The following DYRK1A variants were observed in gnomAD, a reference collection of about 807,000 sequenced individuals.
DYRK1A encodes dual specificity tyrosine-phosphorylation-regulated kinase 1A.
In DYRK1A, 9 loss-of-function variants were observed where a neutral mutation model predicts 79.7. That is an observed-to-expected ratio of 0.11 (90% confidence interval 0.07 to 0.20). The LOEUF (loss-of-function observed/expected upper bound fraction) is 0.20, where lower values mean the gene tolerates loss of function less well. Ranked by LOEUF, DYRK1A falls within the 10% of genes least tolerant of loss-of-function variation. The pLI is 1.00. For missense variants in DYRK1A, 622 were observed against 956.0 expected, an observed-to-expected ratio of 0.65 and a Z score of 4.61; for synonymous variants, 349 against 329.7, an observed-to-expected ratio of 1.06 and a Z score of -0.63.
chr21:37,478,143 CTTATAG>C (rs778344997), intron 3 of DYRK1A, 59 bp from the exon 4 acceptor site: 18 of 1,603,088 alleles, frequency 1.1e-5, no homozygotes, highest in South Asian at 1.1e-5. Context: ...GAATTTATAT[CTTATAG>C]TTAAAGTGCT....
intron 9 of DYRK1A, chr21:37,502,600 A>T (rs892904328): frequency 6.6e-6 from 1 of 152,182 alleles, no homozygotes; most frequent in African/African-American, 2.4e-5. Flanking sequence ...TGGCTGTTTA[A>T]ATAAAAAATA....
At chr21:37,460,328 G>A (rs1486440742) in intron 2 of DYRK1A, among the ~76,000 whole-genome samples, 2 of 152,162 alleles carry the variant, frequency 1.3e-5, no homozygotes, top group Non-Finnish European at 2.9e-5. Context: ...TCAGGCAGCA[G>A]ATACTTAGAG....
rs28441137 is a variant in DYRK1A, at chr21:37,406,737, C to T, written c.-76-13562C>T. ...AAAAAAAAATTATATCTATGTATATCTCTATATATCTCTATATATCTATAT... is the reference window on the plus strand; with the variant it reads ...AAAAAAAAATTATATCTATGTATATTTCTATATATCTCTATATATCTATAT... On this transcript the variant is annotated intron_variant, in intron 1 of 11. Transcript: ENST00000647188. 2.3e-4 allele frequency among the ~76,000 whole-genome samples: 14 copies of T among 62,078 alleles called. No homozygotes were observed. The South Asian group carries it at 5.8e-3, about 26-fold the overall frequency. The allele number at this position is 62,078 out of a possible 152,430, so 40.7% of individuals were successfully genotyped here. A position where few individuals can be genotyped will look rare whatever the true frequency, so the allele number is the denominator to read the frequency against.
chr21:37,446,017 G>A (rs960174989), intron 2 of DYRK1A, among the ~76,000 whole-genome samples: 3 of 152,158 alleles, frequency 2.0e-5, no homozygotes, highest in African/African-American at 7.2e-5. Context: ...AATTGATGTG[G>A]GAGGAAGAGC....
rs3138683 is a variant in DYRK1A at position 37,458,268 on chromosome 21, CTGTGTGTGTGTGTGTG to C, written c.11-14392_11-14377del. Among the ~76,000 whole-genome samples the C allele has an allele frequency of 3.3e-3, 428 of 130,582 alleles. 1 individual carries two copies. Among genetic ancestry groups the C allele is most frequent in the African/African-American group, 0.012 (402 of 34,820 alleles). The allele number at this position is 130,582 out of a possible 152,430, so 85.7% of individuals were successfully genotyped here. A position where few individuals can be genotyped will look rare whatever the true frequency, so the allele number is the denominator to read the frequency against. On this transcript the variant is annotated intron_variant, in intron 2 of 11. Transcript: ENST00000647188. Reference sequence around the variant, plus strand: ...TAGGGGAGGGCATCTGGGTAATTTACTGTGTGTGTGTGTGTGTGTGTGTGTGTGTGTGTGTGTGTAC... The same window carrying C: ...TAGGGGAGGGCATCTGGGTAATTTACTGTGTGTGTGTGTGTGTGTGTGTAC...
At chr21:37,504,880 G>C (rs1407478018) in intron 9 of DYRK1A, 1 of 163,652 alleles carries the variant, frequency 6.1e-6, no homozygotes, top group Non-Finnish European at 1.3e-5. Context: ...AGGGTGAGCA[G>C]GGGCATGCAT....
intron 1 of DYRK1A, 141 bp from the exon 2 acceptor site, chr21:37,420,158 G>T: frequency 5.5e-6 from 2 of 360,546 alleles, no homozygotes; most frequent in East Asian, 4.1e-5. Flanking sequence ...ATTTAAGTTT[G>T]AATGTTAGAA....
chr21:37,389,049 ATTT>A (rs555751812), intron 1 of DYRK1A, among the ~76,000 whole-genome samples: 2 of 148,444 alleles, frequency 1.3e-5, no homozygotes, highest in Non-Finnish European at 3.0e-5. Context: ...AAAAAAAAAA[ATTT>A]TTTTTTTAAG....
chr21:37,402,320 C>T (rs2050067887), intron 1 of DYRK1A, among the ~76,000 whole-genome samples: 1 of 152,138 alleles, frequency 6.6e-6, no homozygotes, highest in African/African-American at 2.4e-5. Context: ...TCCCTTCTTA[C>T]AAATTTTAAT....
rs562217799 is a variant in DYRK1A at position 37,516,118 on chromosome 21, G to C, written c.*3587G>C. 22 of 152,278 alleles carry C rather than the reference G, an allele frequency of 1.4e-4. No homozygotes were observed. The highest frequency in any genetic ancestry group is 5.3e-4 in the African/African-American group (22 of 41,562). The allele number at this position is 152,278 out of a possible 1,614,324, so 9.4% of individuals were successfully genotyped here. On this transcript the variant is annotated 3_prime_UTR_variant, in exon 12 of 12. Transcript: ENST00000647188. ...GTTCAGATGCGATCCGGTGCATTCTGGGTGGTATCCCCATAGACAGAATAC... is the reference window on the plus strand; with the variant it reads ...GTTCAGATGCGATCCGGTGCATTCTCGGTGGTATCCCCATAGACAGAATAC...
intron 1 of DYRK1A, among the ~76,000 whole-genome samples, chr21:37,418,743 AGT>A (rs2050406839): frequency 6.6e-6 from 1 of 152,214 alleles, no homozygotes. Context: ...GCAGCACTCT[AGT>A]GTTCATCCAT....
chr21:37,490,554 G>T, intron 7 of DYRK1A, 93 bp downstream of exon 7: 1 of 1,066,102 alleles, frequency 9.4e-7, no homozygotes, highest in African/African-American at 1.7e-5. Flanking sequence ...AAGTAATTGC[G>T]GTTTTCGCCA....
chr21:37,434,084 T>TGCTTAG (rs1159726967), intron 2 of DYRK1A, among the ~76,000 whole-genome samples: 1 of 151,924 alleles, frequency 6.6e-6, no homozygotes, highest in Non-Finnish European at 1.5e-5. Flanking sequence ...GGGTGATGGG[T>TGCTTAG]GCTTAGAGAT....
At chr21:37,431,670 A>G (rs2835737) in intron 2 of DYRK1A, among the ~76,000 whole-genome samples, 22,690 of 152,200 alleles carry the variant, frequency 0.15, 1,820 homozygotes, top group African/African-American at 0.17. Flanking sequence ...CTTGAAAGGG[A>G]AGTTTTCATA....
rs963488237 is a variant in DYRK1A at position 37,478,547 on chromosome 21, CT to C, written c.300+254del. 3.3e-5 allele frequency among the ~76,000 whole-genome samples: 5 copies of C among 151,594 alleles called. No individual in the cohort carries two copies. In the East Asian group the frequency reaches 7.8e-4, roughly 24 times the overall value. On this transcript the variant is annotated intron_variant, in intron 4 of 11. Transcript: ENST00000647188. Reference sequence around the variant, plus strand: ...GGTTGTATTTAATATACTGTTATTTCTTTTTTTAATTTTTATTTTTTGTTTT... The same window carrying C: ...GGTTGTATTTAATATACTGTTATTTCTTTTTTAATTTTTATTTTTTGTTTT...
At chr21:37,491,456 T>G (rs2053091918) in intron 7 of DYRK1A, among the ~76,000 whole-genome samples, 1 of 152,206 alleles carries the variant, frequency 6.6e-6, no homozygotes, top group South Asian at 2.1e-4. Flanking sequence ...CTTTTCTGTT[T>G]CTTATTTTTC....
chr21:37,463,155 T>G (rs1441015383), intron 2 of DYRK1A, among the ~76,000 whole-genome samples: 1 of 150,470 alleles, frequency 6.6e-6, no homozygotes. Context: ...GCTAGTGGGT[T>G]GACAAGCTTG....
At chr21:37,476,602 C>T (rs1344241658) in intron 3 of DYRK1A, among the ~76,000 whole-genome samples, 1 of 152,182 alleles carries the variant, frequency 6.6e-6, no homozygotes. Flanking sequence ...CCTTTCATCA[C>T]CCTAAATGCT....
intron 2 of DYRK1A, among the ~76,000 whole-genome samples, chr21:37,440,952 T>C (rs2148477080): frequency 6.6e-6 from 1 of 152,306 alleles, no homozygotes; most frequent in Middle Eastern, 3.4e-3. Flanking sequence ...TGTATATCTT[T>C]ATTGATTTTC....
Sources: allele counts gnomAD v4.1 joint callset (sites outside exome capture counted in the v4.1 genomes callset), GRCh38; gene constraint gnomAD v4.1.1; transcripts MANE v1.5; gene names NCBI Gene and HGNC (gene_info 2026-07-23, HGNC 2026-07-21).